The following CD36 variants were observed in gnomAD, a reference collection of about 807,000 sequenced individuals.
The protein encoded by CD36 is platelet glycoprotein 4.
A neutral mutation model predicts 55.2 loss-of-function variants in CD36; 119 were observed. The observed-to-expected ratio is 2.15, with a 90% confidence interval of 1.86 to 2.51. The LOEUF (loss-of-function observed/expected upper bound fraction) is 2.51, where lower values mean the gene tolerates loss of function less well. CD36 is among the 30% of genes most tolerant of loss of function. The pLI is 0.00. For missense variants in CD36, 819 were observed against 555.5 expected, an observed-to-expected ratio of 1.47 and a Z score of -4.77; for synonymous variants, 186 against 193.6, an observed-to-expected ratio of 0.96 and a Z score of 0.33.
chr7:80,672,118 ATTAT>A lies in CD36; in HGVS notation c.1125+84_1125+87del, dbSNP rs566252474. ...TGAAATAAAAATAATCTTGTCGATG[ATTAT>A]TTATTCAATAAATAATCATATTTAT... On this transcript the variant is annotated intron_variant, in intron 11 of 14. Coordinates refer to ENST00000447544, the MANE Select transcript of CD36 (RefSeq NM_001001548.3). 1.2e-3 allele frequency: 1,391 copies of A among 1,165,082 alleles called. 4 individuals carry two copies. In the African/African-American group the frequency reaches 0.016, roughly 14 times the overall value. The allele number at this position is 1,165,082 out of a possible 1,614,324, so 72.2% of individuals were successfully genotyped here.
intron 1 of CD36, among the ~76,000 whole-genome samples, chr7:80,607,527 C>A (rs1792629019): frequency 6.6e-6 from 1 of 152,042 alleles, no homozygotes; most frequent in Admixed American, 6.5e-5. Context: ...ACCTTTTATG[C>A]CTTTGTCTAG....
Position 80,627,439 on chromosome 7 carries a change from T to G in CD36, c.-183-18649T>G, listed in dbSNP as rs79728625. On this transcript the variant is annotated intron_variant, in intron 1 of 13. Transcript: ENST00000309881. Reference sequence around the variant, plus strand: ...TAAGCCTCCAATTAGTACACCATATTGACCCCCTCCCTTAAAAGAGGGGCT... The same window carrying G: ...TAAGCCTCCAATTAGTACACCATATGGACCCCCTCCCTTAAAAGAGGGGCT... Among the ~76,000 whole-genome samples, 1,207 of 151,334 alleles carry G rather than the reference T, an allele frequency of 8.0e-3. 58 individuals are homozygous for G. In the East Asian group the frequency reaches 0.11, roughly 13 times the overall value.
rs1434033600 is a variant in CD36 at position 80,663,074 on chromosome 7, G to C, written c.514G>C (p.Val172Leu). The C allele has an allele frequency of 6.2e-7, 1 of 1,613,382 alleles. No homozygotes were observed. The highest frequency in any genetic ancestry group is 1.3e-5 in the African/African-American group (1 of 74,996). ...CAAGTCAAAATCTTCTATGTTCCAA[G>C]TCAGAACTTTGAGAGAACTGTTATG... is the stretch of plus-strand genomic sequence containing the variant. ...INKSKSSMFQVRTLRELLWGY... is the reference protein window; with the variant it reads ...INKSKSSMFQLRTLRELLWGY... Residue 172 changes from valine (V) to leucine (L), a missense_variant, in exon 6 of 15, where the codon GTC (valine) becomes CTC (leucine). Coordinates refer to ENST00000447544, the MANE Select transcript of CD36 (RefSeq NM_001001548.3).
chr7:80,646,059 A>G (rs1376176895), intron 1 of CD36, 29 bp from the exon 2 acceptor site: 2 of 149,624 alleles, frequency 1.3e-5, no homozygotes, highest in Non-Finnish European at 3.0e-5. Flanking sequence ...ATTTTTTTCT[A>G]TTTACCCATG....
chr7:80,643,355 A>G (rs1794942958), intron 1 of CD36, among the ~76,000 whole-genome samples: 1 of 152,210 alleles, frequency 6.6e-6, no homozygotes, highest in African/African-American at 2.4e-5. Flanking sequence ...GTTGCAAATG[A>G]CATTAATATT....
intron 8 of CD36, among the ~76,000 whole-genome samples, chr7:80,669,743 C>T (rs1443671382): frequency 5.9e-5 from 9 of 152,092 alleles, no homozygotes; most frequent in Admixed American, 2.6e-4. Flanking sequence ...GTGATCCACC[C>T]GCCTTGGCCT....
Position 80,673,982 on chromosome 7 carries a change from G to A in CD36, c.1255-1G>A, listed in dbSNP as rs375042355. 31 of 1,610,542 alleles carry A rather than the reference G, an allele frequency of 1.9e-5. No homozygotes were observed. In the Middle Eastern group the frequency reaches 6.6e-4, roughly 34 times the overall value. ...AATGTTGATTATTAACTTGATTACAGACTGGGACCATTGGTGATGAGAAGG... is the reference window on the plus strand; with the variant it reads ...AATGTTGATTATTAACTTGATTACAAACTGGGACCATTGGTGATGAGAAGG... On this transcript the variant is annotated splice_acceptor_variant, in intron 13 of 14. Coordinates refer to ENST00000447544, the MANE Select transcript of CD36 (RefSeq NM_001001548.3). LOFTEE classifies it high-confidence loss of function.
intron 4 of CD36, among the ~76,000 whole-genome samples, chr7:80,657,576 C>T (rs1363035664): frequency 2.6e-5 from 4 of 152,078 alleles, no homozygotes; most frequent in East Asian, 3.9e-4. Context: ...GTCACTTGTC[C>T]ATGTTCACAC....
chr7:80,668,862 C>T (rs946755206), intron 8 of CD36, among the ~76,000 whole-genome samples: 9 of 152,156 alleles, frequency 5.9e-5, no homozygotes, highest in Non-Finnish European at 1.2e-4. Context: ...AATGACGGCT[C>T]GTATTAGTGA....
At chr7:80,615,103 A>C (rs1793075086) in intron 1 of CD36, among the ~76,000 whole-genome samples, 9 of 152,078 alleles carry the variant, frequency 5.9e-5, no homozygotes, top group Admixed American at 5.9e-4. Flanking sequence ...ATTCCCGTTA[A>C]TCCAAACTCT....
At chr7:80,646,565 A>G in intron 2 of CD36, 87 bp from the exon 3 acceptor site, 1 of 722,488 alleles carries the variant, frequency 1.4e-6, no homozygotes, top group Non-Finnish European at 2.3e-6. Context: ...GGGCAAAATG[A>G]TACGTTTCAG....
upstream of CD36, among the ~76,000 whole-genome samples, chr7:80,636,215 G>A (rs1794389677): frequency 2.0e-5 from 3 of 152,058 alleles, no homozygotes; most frequent in Admixed American, 2.0e-4. Flanking sequence ...GATGAAATGG[G>A]GAGTGTTGAG....
At chr7:80,640,719 C>G (rs1233380520) in intron 1 of CD36, among the ~76,000 whole-genome samples, 2 of 151,990 alleles carry the variant, frequency 1.3e-5, no homozygotes, top group Non-Finnish European at 2.9e-5. Flanking sequence ...GGAATAATTT[C>G]AAACCTACAG....
chr7:80,613,696 G>A (rs543087596), intron 1 of CD36, among the ~76,000 whole-genome samples: 2 of 152,206 alleles, frequency 1.3e-5, no homozygotes, highest in African/African-American at 2.4e-5. Context: ...AGGGGCCTAA[G>A]AGATGGGGTT....
At chr7:80,625,988 G>T (rs914276234) in intron 1 of CD36, among the ~76,000 whole-genome samples, 3 of 152,068 alleles carry the variant, frequency 2.0e-5, no homozygotes, top group African/African-American at 4.8e-5. Context: ...ATACAGGGGG[G>T]TATTTTACAG....
At chr7:80,646,631 A>G in intron 2 of CD36, 21 bp from the exon 3 acceptor site, 2 of 1,307,010 alleles carry the variant, frequency 1.5e-6, no homozygotes, top group African/African-American at 1.5e-5. Flanking sequence ...CTTCTGTTTT[A>G]TGATCTCTTT....
chr7:80,663,682 T>C (rs1444545595), intron 6 of CD36, among the ~76,000 whole-genome samples: 1 of 152,170 alleles, frequency 6.6e-6, no homozygotes, highest in Non-Finnish European at 1.5e-5. Context: ...TAGTCCATAA[T>C]GTCATGAAAT....
intron 1 of CD36, among the ~76,000 whole-genome samples, chr7:80,618,103 T>C (rs1584284984): frequency 6.6e-6 from 1 of 152,224 alleles, no homozygotes; most frequent in South Asian, 2.1e-4. Flanking sequence ...TAGATTATAG[T>C]GTGATATATA....
chr7:80,646,567 A>T, intron 2 of CD36, 85 bp from the exon 3 acceptor site: 1 of 726,650 alleles, frequency 1.4e-6, no homozygotes, highest in Non-Finnish European at 2.3e-6. Context: ...GCAAAATGAT[A>T]CGTTTCAGTG....
Sources: allele counts gnomAD v4.1 joint callset (sites outside exome capture counted in the v4.1 genomes callset), GRCh38; gene constraint gnomAD v4.1.1; transcripts MANE v1.5; gene names NCBI Gene and HGNC (gene_info 2026-07-23, HGNC 2026-07-21).